The following PTK2B variants were observed in gnomAD, a reference collection of about 807,000 sequenced individuals.
The protein encoded by PTK2B is protein tyrosine kinase 2 beta.
In PTK2B, 71 loss-of-function variants were observed where a neutral mutation model predicts 142.9. The ratio of observed to expected loss-of-function variants is 0.50; its 90% confidence interval spans 0.41 to 0.61. PTK2B has a LOEUF of 0.61. Ranked by LOEUF, PTK2B falls within the 20% of genes least tolerant of loss-of-function variation. PTK2B has a pLI of 0.00. For synonymous variants in PTK2B, 519 were observed against 503.4 expected (o/e 1.03, Z -0.42); for missense variants, 1,105 against 1,320.4 (o/e 0.84, Z 2.53).
In PTK2B at chr8:27,422,386, A is replaced by C; in HGVS notation, c.551+3A>C. Reference sequence around the variant, plus strand: ...CAGCTGGGCTGCCTGGAGCTCAGGTATGTGGCCCTGAGGCCTCTGCTGGGA... The same window carrying C: ...CAGCTGGGCTGCCTGGAGCTCAGGTCTGTGGCCCTGAGGCCTCTGCTGGGA... On this transcript the variant is annotated splice_donor_region_variant and intron_variant, in intron 5 of 30. Coordinates refer to ENST00000346049, the MANE Select transcript of PTK2B (RefSeq NM_173176.3). 1 of 1,610,340 alleles carries C rather than the reference A, an allele frequency of 6.2e-7. No individual in the cohort carries two copies.
At chr8:27,403,012 G>C (rs1424349105) in intron 2 of PTK2B, among the ~76,000 whole-genome samples, 2 of 152,224 alleles carry the variant, frequency 1.3e-5, no homozygotes, top group African/African-American at 4.8e-5. Context: ...TGGGGATGCA[G>C]TGTCCAGTTG....
intron 11 of PTK2B, 71 bp downstream of exon 11, chr8:27,433,623 G>C (rs1036726523): frequency 7.5e-7 from 1 of 1,332,062 alleles, no homozygotes; most frequent in Non-Finnish European, 1.1e-6. Context: ...GAGGCGGAGT[G>C]GCAGAAGCTA....
In PTK2B at chr8:27,440,430, G is replaced by A. The variant is rs1224603951; in HGVS notation, c.2028G>A (p.Val676=). ...ACCGGCCCCGCTTCACCGAGCTGGT[G>A]TGCAGCCTCAGGTGAGCATGGAGTG... The part of the protein sequence containing the change: ...PSDRPRFTEL[V]CSLSDVYQME... Residue 676 remains valine (V), a synonymous_variant, in exon 21 of 31, where the codon GTG becomes GTA. Transcript: ENST00000346049. 1 of 1,613,818 alleles carries A rather than the reference G, an allele frequency of 6.2e-7. No individual in the cohort carries two copies. Among genetic ancestry groups the A allele is most frequent in the Non-Finnish European group, 8.5e-7 (1 of 1,180,014 alleles).
At chr8:27,445,394 C>G (rs571353942) in intron 23 of PTK2B, among the ~76,000 whole-genome samples, 2 of 152,192 alleles carry the variant, frequency 1.3e-5, no homozygotes, top group Non-Finnish European at 2.9e-5. Context: ...GCCTGGGCAA[C>G]AGAGCAAGAG....
At chr8:27,425,210 T>C (rs1293941104) in intron 5 of PTK2B, among the ~76,000 whole-genome samples, 1 of 151,484 alleles carries the variant, frequency 6.6e-6, no homozygotes, top group African/African-American at 2.4e-5. Flanking sequence ...ATGTATGTTA[T>C]GTTACTATTG....
intron 4 of PTK2B, 69 bp from the exon 5 acceptor site, chr8:27,422,235 C>A: frequency 6.9e-7 from 1 of 1,445,644 alleles, no homozygotes; most frequent in Non-Finnish European, 9.4e-7. Context: ...CCTTAATCTT[C>A]TGAGGCCTCT....
chr8:27,458,261 C>A (rs758494828), intron 30 of PTK2B, 33 bp from the exon 31 acceptor site: 2 of 1,595,234 alleles, frequency 1.3e-6, no homozygotes, highest in South Asian at 1.1e-5. Context: ...GACTTTGTGG[C>A]CTCTCAACCT....
At chr8:27,342,289 CTT>C (rs111449065) in intron 1 of PTK2B, among the ~76,000 whole-genome samples, 4 of 146,004 alleles carry the variant, frequency 2.7e-5, no homozygotes, top group African/African-American at 1.0e-4. Context: ...TACTTTGTTC[CTT>C]TTTTTTTTTT....
chr8:27,448,918 A>G (rs1811639948), intron 24 of PTK2B, among the ~76,000 whole-genome samples: 1 of 152,194 alleles, frequency 6.6e-6, no homozygotes, highest in Admixed American at 6.5e-5. Context: ...AAATACTCTT[A>G]TATGCTGGAA....
rs377310714 is a variant in PTK2B at position 27,437,068 on chromosome 8, A to C, written c.1342-54A>C. ...GGCCATGGGGAGGCCAGGAGGGAAC[A>C]TTCTGCTGAGCACTGGGCTGGACCA... is the stretch of plus-strand genomic sequence containing the variant. On this transcript the variant is annotated intron_variant, in intron 15 of 30. Transcript: ENST00000346049. The C allele has an allele frequency of 2.2e-3, 3,480 of 1,556,318 alleles. 10 individuals carry two copies. The highest frequency in any genetic ancestry group is 2.2e-3 in the Non-Finnish European group (2,486 of 1,128,016).
intron 17 of PTK2B, 95 bp downstream of exon 17, chr8:27,437,591 C>G (rs938257004): frequency 7.8e-7 from 1 of 1,283,662 alleles, no homozygotes; most frequent in East Asian, 2.4e-5. Flanking sequence ...TTCTGTGTTC[C>G]ACTGAAATAA....
intron 1 of PTK2B, among the ~76,000 whole-genome samples, chr8:27,326,224 G>GTA (rs1162054665): frequency 1.9e-5 from 2 of 106,898 alleles, no homozygotes; most frequent in East Asian, 4.3e-4. Context: ...GAGCTCGTGT[G>GTA]TATGTGTGTG....
chr8:27,422,204 C>T, intron 4 of PTK2B, 100 bp from the exon 5 acceptor site: 2 of 1,172,668 alleles, frequency 1.7e-6, no homozygotes, highest in South Asian at 1.6e-5. Flanking sequence ...GTGGCTGTCA[C>T]TCAGGGAGGC....
At chr8:27,415,256 G>GT (rs1164403623) in intron 2 of PTK2B, among the ~76,000 whole-genome samples, 1 of 152,200 alleles carries the variant, frequency 6.6e-6, no homozygotes, top group Non-Finnish European at 1.5e-5. Context: ...CAGCTGGGTG[G>GT]TGGTGGTGGG....
intron 2 of PTK2B, 91 bp from the exon 3 acceptor site, chr8:27,419,804 C>G: frequency 7.1e-7 from 1 of 1,399,840 alleles, no homozygotes; most frequent in Non-Finnish European, 9.8e-7. Flanking sequence ...GAATCCCACC[C>G]TAGAGAATCC....
At chr8:27,449,543 G>A (rs557540531) in intron 24 of PTK2B, among the ~76,000 whole-genome samples, 2 of 152,210 alleles carry the variant, frequency 1.3e-5, no homozygotes, top group Non-Finnish European at 2.9e-5. Context: ...GTATGCAAAT[G>A]GCCACTTCAA....
At position 27,430,124 on chromosome 8, in the gene PTK2B, C is replaced by T. The variant is rs1360390188; in HGVS notation, c.583C>T (p.Leu195Phe). The T allele has an allele frequency of 6.2e-7, 1 of 1,614,018 alleles. No homozygotes were observed. The highest frequency in any genetic ancestry group is 8.5e-7 in the Non-Finnish European group (1 of 1,179,892). The change falls in exon 6 of 31, where the codon CTT becomes TTT. Residue 195 changes from leucine (L) to phenylalanine (F), a missense_variant. Transcript: ENST00000346049. ...RFFKDMPHNA[L>F]DKKSNFELLE... ...CTTCAAGGATATGCCCCACAATGCA[C>T]TTGACAAGAAGTCCAACTTCGAGCT...
chr8:27,437,660 C>G, intron 17 of PTK2B, 105 bp from the exon 18 acceptor site: 2 of 1,289,258 alleles, frequency 1.6e-6, no homozygotes, highest in Non-Finnish European at 2.2e-6. Flanking sequence ...TTGGGTTTGT[C>G]TCCCACCGCC....
intron 5 of PTK2B, among the ~76,000 whole-genome samples, chr8:27,428,700 C>G (rs1361336066): frequency 6.6e-6 from 1 of 152,198 alleles, no homozygotes; most frequent in African/African-American, 2.4e-5. Flanking sequence ...CCCCCTACTC[C>G]AACTAGCTGT....
Sources: allele counts gnomAD v4.1 joint callset (sites outside exome capture counted in the v4.1 genomes callset), GRCh38; gene constraint gnomAD v4.1.1; transcripts MANE v1.5; gene names NCBI Gene and HGNC (gene_info 2026-07-23, HGNC 2026-07-21).